GPC6: variants seen among roughly 807,000 people sequenced by gnomAD.
GPC6 encodes the protein glypican 6.
Under a neutral mutation model 55.2 loss-of-function variants are expected in GPC6, and 14 were observed. The ratio of observed to expected loss-of-function variants is 0.25; its 90% CI spans 0.17 to 0.40. GPC6 has a LOEUF of 0.40. GPC6 is among the 10% of genes least tolerant of loss of function. The probability of loss-of-function intolerance (pLI) is 1.00; values close to 1 mark genes in which losing one functional copy is unlikely to be tolerated. For missense variants in GPC6, 641 were observed against 708.5 expected, an observed-to-expected ratio of 0.90 and a Z score of 1.08; for synonymous variants, 278 against 259.6, an observed-to-expected ratio of 1.07 and a Z score of -0.68.
chr13:94,047,155 G>A (rs1883762940), intron 4 of GPC6, among the ~76,000 whole-genome samples: 1 of 152,060 alleles, frequency 6.6e-6, no homozygotes, highest in African/African-American at 2.4e-5. Flanking sequence ...ATTTTTAAAT[G>A]TATTGGTATT....
At chr13:94,179,585 AT>A (rs1454086832) in intron 4 of GPC6, among the ~76,000 whole-genome samples, 3 of 152,208 alleles carry the variant, frequency 2.0e-5, no homozygotes, top group South Asian at 2.1e-4. Flanking sequence ...TTAAAAAAAA[AT>A]AAAAGTGATA....
intron 3 of GPC6, among the ~76,000 whole-genome samples, chr13:94,001,196 T>C (rs186664179): frequency 6.6e-6 from 1 of 152,208 alleles, no homozygotes. Flanking sequence ...TTTCCTTACT[T>C]GTAAAGGTCT....
chr13:93,883,320 G>T (rs1403763313), intron 3 of GPC6, among the ~76,000 whole-genome samples: 1 of 151,912 alleles, frequency 6.6e-6, no homozygotes, highest in Non-Finnish European at 1.5e-5. Context: ...TCACCAAATT[G>T]CCCTGCAGAA....
intron 4 of GPC6, among the ~76,000 whole-genome samples, chr13:94,244,705 T>C (rs1891148117): frequency 1.3e-5 from 2 of 152,054 alleles, no homozygotes; most frequent in South Asian, 4.1e-4. Flanking sequence ...ACTGAAGTCA[T>C]TGACAGTTTT....
chr13:93,446,956 A>ATT (rs78743824), intron 1 of GPC6, among the ~76,000 whole-genome samples: 1 of 149,438 alleles, frequency 6.7e-6, no homozygotes, highest in African/African-American at 2.5e-5. Flanking sequence ...TATTTTACTA[A>ATT]TTTTTTTGGG....
At chr13:93,388,369 A>T (rs1388667972) in intron 1 of GPC6, among the ~76,000 whole-genome samples, 1 of 152,184 alleles carries the variant, frequency 6.6e-6, no homozygotes, top group African/African-American at 2.4e-5. Context: ...ACCTTACCCA[A>T]GGAGGGCTCA....
chr13:93,864,993 T>C (rs1192378643), intron 3 of GPC6, among the ~76,000 whole-genome samples: 1 of 151,770 alleles, frequency 6.6e-6, no homozygotes, highest in African/African-American at 2.4e-5. Flanking sequence ...TAGGTTCATT[T>C]GTTTATGTAA....
At chr13:93,676,162 TATATATACATACAC>T (rs1241015862) in intron 2 of GPC6, among the ~76,000 whole-genome samples, 12 of 28,868 alleles carry the variant, frequency 4.2e-4, no homozygotes, top group African/African-American at 1.1e-3. Flanking sequence ...TATATATATA[TATATATACATACAC>T]ACACACACAC....
At chr13:94,300,582 C>A (rs972806206) in intron 5 of GPC6, among the ~76,000 whole-genome samples, 20 of 152,260 alleles carry the variant, frequency 1.3e-4, no homozygotes, top group African/African-American at 4.8e-4. Context: ...GATTCATGAG[C>A]CAGATATCTT....
chr13:94,240,911 C>T (rs1594089330), intron 4 of GPC6, among the ~76,000 whole-genome samples: 4 of 152,070 alleles, frequency 2.6e-5, no homozygotes, highest in South Asian at 2.1e-4. Flanking sequence ...ACTAGGTTGA[C>T]GTCATATTCT....
intron 2 of GPC6, among the ~76,000 whole-genome samples, chr13:93,799,492 G>T (rs1654136695): frequency 6.6e-6 from 1 of 152,138 alleles, no homozygotes; most frequent in Non-Finnish European, 1.5e-5. Flanking sequence ...CAGTTTGTCA[G>T]ACACTTAATC....
chr13:94,357,079 C>G (rs79749206), intron 6 of GPC6, among the ~76,000 whole-genome samples: 2 of 152,136 alleles, frequency 1.3e-5, no homozygotes, highest in Non-Finnish European at 2.9e-5. Context: ...CCTGTGTATC[C>G]TTCTGGACCC....
At chr13:94,011,091 A>T (rs1008425207) in intron 3 of GPC6, among the ~76,000 whole-genome samples, 7 of 152,202 alleles carry the variant, frequency 4.6e-5, no homozygotes, top group Non-Finnish European at 1.0e-4. Context: ...ATTTAACTTC[A>T]GAATATTTTC....
At chr13:93,845,986 A>AAAAT (rs568390692) in intron 3 of GPC6, among the ~76,000 whole-genome samples, 16 of 151,972 alleles carry the variant, frequency 1.1e-4, no homozygotes, top group East Asian at 1.9e-4. Flanking sequence ...AGTATAATAA[A>AAAAT]AAATAAATAA....
intron 1 of GPC6, among the ~76,000 whole-genome samples, chr13:93,462,695 G>A (rs767332119): frequency 1.3e-5 from 2 of 150,756 alleles, no homozygotes; most frequent in Non-Finnish European, 3.0e-5. Context: ...AAATGAAAGA[G>A]CAAAAGAACA....
chr13:93,295,290 CA>C (rs67379652), intron 1 of GPC6, among the ~76,000 whole-genome samples: 1,411 of 66,662 alleles, frequency 0.021, 3 homozygotes, highest in African/African-American at 0.071. Context: ...GACCCTGTCT[CA>C]AAAAAAAAAA....
chr13:94,035,562 C>A (rs539135124), intron 4 of GPC6, among the ~76,000 whole-genome samples: 1 of 151,992 alleles, frequency 6.6e-6, no homozygotes, highest in African/African-American at 2.4e-5. Flanking sequence ...GAGTCCTTCA[C>A]GTGGTGACCA....
chr13:93,804,412 A>G (rs1313578633), intron 2 of GPC6, among the ~76,000 whole-genome samples: 1 of 152,196 alleles, frequency 6.6e-6, no homozygotes, highest in Non-Finnish European at 1.5e-5. Context: ...ATTTGCTTCA[A>G]GAATGTGTTC....
chr13:93,904,574 G>A (rs562640086), intron 3 of GPC6, among the ~76,000 whole-genome samples: 2 of 151,974 alleles, frequency 1.3e-5, no homozygotes, highest in South Asian at 4.2e-4. Context: ...CCCGTCTCTA[G>A]AAAAAATAAA....
Sources: allele counts gnomAD v4.1 joint callset (sites outside exome capture counted in the v4.1 genomes callset), GRCh38; gene constraint gnomAD v4.1.1; transcripts MANE v1.5; gene names NCBI Gene and HGNC (gene_info 2026-07-23, HGNC 2026-07-21).